Variants in NR5A1 observed in about 807,000 individuals in gnomAD.
NR5A1 encodes steroidogenic factor 1.
Under a neutral mutation model 42.7 loss-of-function variants are expected in NR5A1, and 6 were observed. That is an observed-to-expected ratio of 0.14 (90% CI 0.08 to 0.28). The LOEUF is 0.28. Among genes scored for constraint, NR5A1 ranks in the 10% least tolerant of loss-of-function variants. NR5A1 has a pLI of 1.00. For missense variants in NR5A1, 442 were observed against 626.4 expected, an observed-to-expected ratio of 0.71 and a Z score of 3.14; for synonymous variants, 274 against 277.5, an observed-to-expected ratio of 0.99 and a Z score of 0.12.
intron 4 of NR5A1, among the ~76,000 whole-genome samples, chr9:124,495,106 C>T (rs1409773183): frequency 6.6e-6 from 1 of 152,058 alleles, no homozygotes; most frequent in Non-Finnish European, 1.5e-5. Flanking sequence ...TCCATTCCCT[C>T]CATCCACACC....
At chr9:124,505,026 G>C (rs541619573) in intron 1 of NR5A1, among the ~76,000 whole-genome samples, 1 of 151,836 alleles carries the variant, frequency 6.6e-6, no homozygotes, top group Admixed American at 6.6e-5. Context: ...CTATATCGGC[G>C]CGTGCGGTAT....
Position 124,503,545 on chromosome 9 carries a change from A to C in NR5A1, c.-15-135T>G. The stretch of plus-strand genomic sequence containing the variant: ...TGCCCAGGCGCTGCCGCCGGCACCC[A>C]CCGAGCGCCCCGCGCAGCGTCCCGG... On this transcript the variant is annotated intron_variant, in intron 1 of 6. Coordinates refer to ENST00000373588, the MANE Select transcript of NR5A1 (RefSeq NM_004959.5). The surrounding 1 kb of genome is among the most constrained non-coding windows in gnomAD (Gnocchi z 9.6). The C allele has an allele frequency of 3.1e-6, 2 of 638,186 alleles. No individual in the cohort carries two copies. Among genetic ancestry groups the C allele is most frequent in the Non-Finnish European group, 4.9e-6 (2 of 408,688 alleles). 39.5% of individuals were successfully genotyped at this position (638,186 alleles called of 1,614,324 possible).
intron 1 of NR5A1, among the ~76,000 whole-genome samples, chr9:124,505,960 CAG>C (rs59853445): frequency 0.072 from 10,896 of 152,240 alleles, 999 homozygotes; most frequent in East Asian, 0.2. Flanking sequence ...CACCTGGGGT[CAG>C]AGAGAGTTTG....
At chr9:124,493,264 C>A in intron 4 of NR5A1, 115 bp from the exon 5 acceptor site, 1 of 1,354,596 alleles carries the variant, frequency 7.4e-7, no homozygotes, top group South Asian at 1.4e-5. Context: ...GCAAGCTAAC[C>A]TCTCTGTGCC....
rs1286667289 is a variant in NR5A1 at position 124,496,323 on chromosome 9, A to G, written c.871-3174T>C. ...GAGAGGGTTGGTTTTCACTTTCCGA[A>G]GTTTCCTCCCTAAGCTAAAGGCTCC... On this transcript the variant is annotated intron_variant, in intron 4 of 6. Transcript: ENST00000373588. This position sits in a 1 kb window ranked among gnomAD's most constrained non-coding sequence, Gnocchi z 5.0. Among the ~76,000 whole-genome samples, 1 of 152,052 alleles carries G rather than the reference A, an allele frequency of 6.6e-6. No homozygotes were observed. Among genetic ancestry groups the G allele is most frequent in the Non-Finnish European group, 1.5e-5 (1 of 68,002 alleles).
chr9:124,484,481 T>G (rs1832178470), intron 6 of NR5A1, among the ~76,000 whole-genome samples: 1 of 152,204 alleles, frequency 6.6e-6, no homozygotes, highest in Non-Finnish European at 1.5e-5. Flanking sequence ...CCGGGCGTAG[T>G]GGTTCACACC....
intron 4 of NR5A1, among the ~76,000 whole-genome samples, chr9:124,495,910 G>A (rs866692465): frequency 6.6e-6 from 1 of 152,160 alleles, no homozygotes; most frequent in Non-Finnish European, 1.5e-5. Context: ...CCCTGCATTC[G>A]AGCCCCCATC....
At chr9:124,506,566 G>A (rs1049072845) in intron 1 of NR5A1, among the ~76,000 whole-genome samples, 3 of 152,202 alleles carry the variant, frequency 2.0e-5, no homozygotes, top group Non-Finnish European at 2.9e-5. Flanking sequence ...CTGGAAACCT[G>A]GAGCTGGACA....
At chr9:124,492,270 A>C (rs1182361016) in intron 5 of NR5A1, among the ~76,000 whole-genome samples, 3 of 115,614 alleles carry the variant, frequency 2.6e-5, no homozygotes, top group Non-Finnish European at 3.8e-5. Context: ...CCTACAGCCC[A>C]TCTCTCCAGG....
Position 124,482,794 on chromosome 9 carries a change from G to A in NR5A1, c.1350C>T (p.Asn450=). ...TGGCTTGCAGCATTTCGATGAGCAG[G>A]TTGTTGCGGGGCATCTCGTTGCCCA... The part of the protein sequence containing the change: ...KHLGNEMPRN[N]LLIEMLQAKQ... The change falls in exon 7 of 7, where the codon AAC becomes AAT. Residue 450 remains asparagine (N), a synonymous_variant. Transcript: ENST00000373588. The A allele has an allele frequency of 6.2e-7, 1 of 1,606,000 alleles. No individual in the cohort carries two copies. Among genetic ancestry groups the A allele is most frequent in the African/African-American group, 1.3e-5 (1 of 74,502 alleles).
In NR5A1 at chr9:124,503,537, C is replaced by CT. The variant is rs1564153873; in HGVS notation, c.-15-128_-15-127insA. ...CCTCTCTGTGCCCAGGCGCTGCCGC[C>CT]GGCACCCACCGAGCGCCCCGCGCAG... On this transcript the variant is annotated intron_variant, in intron 1 of 6. Transcript: ENST00000373588. The surrounding 1 kb of genome is among the most constrained non-coding windows in gnomAD (Gnocchi z 9.6). The CT allele has an allele frequency of 1.5e-6, 1 of 689,518 alleles. No homozygotes were observed. The highest frequency in any genetic ancestry group is 1.9e-5 in the African/African-American group (1 of 51,438). 42.7% of individuals were successfully genotyped at this position (689,518 alleles called of 1,614,324 possible).
intron 6 of NR5A1, among the ~76,000 whole-genome samples, chr9:124,489,990 C>A (rs533428649): frequency 6.6e-6 from 1 of 152,292 alleles, no homozygotes; most frequent in Non-Finnish European, 1.5e-5. Flanking sequence ...CCCCACTCCC[C>A]ACTCCTCCCT....
chr9:124,492,837 CAAGCCTGGGCCAGGGCTGCTCACAGA>C (rs1832337299), intron 5 of NR5A1, among the ~76,000 whole-genome samples, 167 bp downstream of exon 5: 1 of 152,238 alleles, frequency 6.6e-6, no homozygotes, highest in South Asian at 2.1e-4. Flanking sequence ...CGGCGCCTCT[CAAGCCTGGGCCAGGGCTGCTCACAGA>C]GGGTTTGGGC....
chr9:124,505,348 G>T (rs1192866906), intron 1 of NR5A1, among the ~76,000 whole-genome samples: 1 of 152,244 alleles, frequency 6.6e-6, no homozygotes, highest in Non-Finnish European at 1.5e-5. Context: ...GGGTAAGGGC[G>T]AGTGGCGACC....
chr9:124,500,775 AC>A lies in NR5A1; in HGVS notation c.245-61del. 6.2e-7 allele frequency: 1 copy of A among 1,610,528 alleles called. No individual in the cohort carries two copies. Among genetic ancestry groups the A allele is most frequent in the East Asian group, 2.2e-5 (1 of 44,856 alleles). On this transcript the variant is annotated intron_variant, in intron 3 of 6. Coordinates refer to ENST00000373588, the MANE Select transcript of NR5A1 (RefSeq NM_004959.5). This position sits in a 1 kb window ranked among gnomAD's most constrained non-coding sequence, Gnocchi z 6.9. ...TCTAAGCCCCCTTCCATGCTGCCCC[AC>A]CACAGATCCTTTCCAAACAAATCTG...
chr9:124,488,701 G>A lies in NR5A1; in HGVS notation c.1138+2380C>T, dbSNP rs189615580. ...TAACAAGTTAGGGATTACTAGGAGGGTCACTCTACAGATGGGGGAAATAGA... is the reference window on the plus strand; with the variant it reads ...TAACAAGTTAGGGATTACTAGGAGGATCACTCTACAGATGGGGGAAATAGA... On this transcript the variant is annotated intron_variant, in intron 6 of 6. Transcript: ENST00000373588. Among the ~76,000 whole-genome samples, 61 of 152,346 alleles carry A rather than the reference G, an allele frequency of 4.0e-4. No homozygotes were observed. The East Asian group carries it at 7.1e-3, about 18-fold the overall frequency.
Position 124,482,747 on chromosome 9 carries a change from C to T in NR5A1, c.*11G>A. 1 of 1,542,694 alleles carries T rather than the reference C, an allele frequency of 6.5e-7. No homozygotes were observed. The highest frequency in any genetic ancestry group is 1.2e-5 in the South Asian group (1 of 83,684). On this transcript the variant is annotated 3_prime_UTR_variant, in exon 7 of 7. Coordinates refer to ENST00000373588, the MANE Select transcript of NR5A1 (RefSeq NM_004959.5). The stretch of plus-strand genomic sequence containing the variant: ...CCCGCCCCCAGTCCCGGCCCCGCCC[C>T]CGGCCCAGGCTCAAGTCTGCTTGGC...
At chr9:124,483,924 G>C (rs1832169352) in intron 6 of NR5A1, among the ~76,000 whole-genome samples, 1 of 152,198 alleles carries the variant, frequency 6.6e-6, no homozygotes, top group African/African-American at 2.4e-5. Context: ...TTCACTGCAG[G>C]AGTGCAGATG....
At chr9:124,492,930 G>A (rs1200510599) in intron 5 of NR5A1, 100 bp downstream of exon 5, 2 of 1,364,750 alleles carry the variant, frequency 1.5e-6, no homozygotes, top group Non-Finnish European at 1.9e-6. Flanking sequence ...CCCAGAGCCA[G>A]CCCCGAGAGG....
Sources: allele counts gnomAD v4.1 joint callset (sites outside exome capture counted in the v4.1 genomes callset), GRCh38; gene constraint gnomAD v4.1.1; non-coding constraint Gnocchi (gnomAD v3.1); transcripts MANE v1.5; gene names NCBI Gene and HGNC (gene_info 2026-07-23, HGNC 2026-07-21).